SLC25A36: variants seen among roughly 807,000 people sequenced by gnomAD.
SLC25A36 encodes epididymis secretory sperm binding protein.
A neutral mutation model predicts 35.3 loss-of-function variants in SLC25A36; 24 were observed. That is an observed-to-expected ratio of 0.68 (90% confidence interval 0.49 to 0.96). The LOEUF (loss-of-function observed/expected upper bound fraction) is 0.96. Among genes scored for constraint, SLC25A36 ranks in the 40% least tolerant of loss-of-function variants. The probability of loss-of-function intolerance (pLI) is 0.00; values close to 1 mark genes in which losing one functional copy is unlikely to be tolerated. For missense variants in SLC25A36, 294 were observed against 381.1 expected (o/e 0.77, Z 1.90); for synonymous variants, 141 against 132.2 (o/e 1.07, Z -0.46).
intron 4 of SLC25A36, among the ~76,000 whole-genome samples, chr3:140,969,850 TA>T (rs1351703934): frequency 2.0e-5 from 3 of 151,946 alleles, no homozygotes; most frequent in Non-Finnish European, 2.9e-5. Flanking sequence ...GCCACCTTTA[TA>T]AAAAGAATGT....
At chr3:140,963,058 A>G in intron 3 of SLC25A36, 69 bp from the exon 4 acceptor site, 1 of 944,470 alleles carries the variant, frequency 1.1e-6, no homozygotes, top group Non-Finnish European at 1.5e-6. Context: ...AAAATTATGA[A>G]GATCAATTTA....
intron 4 of SLC25A36, chr3:140,966,652 G>T: frequency 6.2e-6 from 2 of 322,972 alleles, no homozygotes; most frequent in Non-Finnish European, 1.2e-5. Flanking sequence ...ATTCCCTTTT[G>T]ACAAGGTTAG....
intron 4 of SLC25A36, among the ~76,000 whole-genome samples, chr3:140,969,193 A>G (rs1483735393): frequency 6.6e-6 from 1 of 151,848 alleles, no homozygotes; most frequent in Admixed American, 6.6e-5. Flanking sequence ...AGAGAAAAAT[A>G]ATACTCTATA....
chr3:140,944,596 C>T (rs1238717367), intron 1 of SLC25A36, among the ~76,000 whole-genome samples: 3 of 152,126 alleles, frequency 2.0e-5, no homozygotes, highest in Non-Finnish European at 4.4e-5. Flanking sequence ...GTTATTGTAT[C>T]AGCTGCATAT....
In SLC25A36 at chr3:140,941,999, GC is replaced by G. The variant is rs1303596583; in HGVS notation, c.-55del. The G allele has an allele frequency of 5.1e-6, 5 of 972,026 alleles. No homozygotes were observed. Among genetic ancestry groups the G allele is most frequent in the Non-Finnish European group, 6.3e-6 (4 of 632,132 alleles). 60.2% of individuals were successfully genotyped at this position (972,026 alleles called of 1,614,324 possible). Reference sequence around the variant, plus strand: ...TCCGGGACCGAAGCCGCCTGCCGTAGCGGGCGGCCAGATCCGCGTCCCGCCT... The same window carrying G: ...TCCGGGACCGAAGCCGCCTGCCGTAGGGGCGGCCAGATCCGCGTCCCGCCT... On this transcript the variant is annotated 5_prime_UTR_variant, in exon 1 of 7. Coordinates refer to ENST00000324194, the MANE Select transcript of SLC25A36 (RefSeq NM_001104647.3).
chr3:140,957,769 A>G lies in SLC25A36; in HGVS notation c.206+1078A>G, dbSNP rs1934514376. ...AAAAAAATGCTATAGTTATACATAA[A>G]TACTTCTATCTGATTTGTAATAGGA... is the stretch of plus-strand genomic sequence containing the variant. On this transcript the variant is annotated intron_variant, in intron 2 of 6. Transcript: ENST00000324194. 1.3e-5 allele frequency among the ~76,000 whole-genome samples: 2 copies of G among 152,214 alleles called. 1 individual carries two copies. The highest frequency in any genetic ancestry group is 1.3e-4 in the Admixed American group (2 of 15,278).
chr3:140,957,844 T>G (rs1323099501), intron 2 of SLC25A36, among the ~76,000 whole-genome samples: 1 of 152,202 alleles, frequency 6.6e-6, no homozygotes, highest in Non-Finnish European at 1.5e-5. Flanking sequence ...AGATTGCCCC[T>G]CCTTAAAATT....
chr3:140,942,424 C>T (rs1934036458), intron 1 of SLC25A36: 2 of 227,504 alleles, frequency 8.8e-6, no homozygotes, highest in Non-Finnish European at 1.7e-5. Context: ...CGAATCCATG[C>T]GTCTGAGGAG....
intron 4 of SLC25A36, among the ~76,000 whole-genome samples, chr3:140,969,259 A>G (rs1215644014): frequency 6.6e-6 from 1 of 151,856 alleles, no homozygotes; most frequent in Non-Finnish European, 1.5e-5. Context: ...CTGGTCTGAT[A>G]GTTTCATGTT....
intron 1 of SLC25A36, among the ~76,000 whole-genome samples, chr3:140,951,941 C>G (rs529992783): frequency 6.6e-6 from 1 of 152,154 alleles, no homozygotes; most frequent in Admixed American, 6.5e-5. Flanking sequence ...TTAAGTGATC[C>G]TCTTACCTTG....
chr3:140,948,070 C>T (rs551779569), intron 1 of SLC25A36, among the ~76,000 whole-genome samples: 1 of 152,326 alleles, frequency 6.6e-6, no homozygotes, highest in Admixed American at 6.5e-5. Flanking sequence ...TCTCTTGCCT[C>T]AGCCTCCCAA....
chr3:140,941,845 T>C lies in SLC25A36; in HGVS notation c.-210T>C, dbSNP rs951930689. 4.0e-6 allele frequency: 2 copies of C among 503,236 alleles called. No homozygotes were observed. Among genetic ancestry groups the C allele is most frequent in the African/African-American group, 2.1e-5 (1 of 48,508 alleles). The allele number at this position is 503,236 out of a possible 1,614,324, so 31.2% of individuals were successfully genotyped here. On this transcript the variant is annotated 5_prime_UTR_variant, in exon 1 of 7. Transcript: ENST00000324194. ...GCGCTGCGTCGCTTTCAGCCTCTGG[T>C]GAAGGGCGGCGCGCTTAGGCAGGCG...
At chr3:140,966,394 T>C (rs1934761315) in intron 4 of SLC25A36, 1 of 312,854 alleles carries the variant, frequency 3.2e-6, no homozygotes. Flanking sequence ...TTCATAAGTA[T>C]GGATGTGCAA....
At chr3:140,943,797 T>TA (rs1187033460) in intron 1 of SLC25A36, among the ~76,000 whole-genome samples, 3 of 152,250 alleles carry the variant, frequency 2.0e-5, no homozygotes, top group African/African-American at 7.2e-5. Flanking sequence ...GGGGCATACT[T>TA]ATATTTGAAA....
In SLC25A36 at chr3:140,963,130, A is replaced by C. The variant is rs753014281; in HGVS notation, c.288A>C (p.Ala96=). The change falls in exon 4 of 7, where the codon GCA becomes GCC. Residue 96 remains alanine, a synonymous_variant. Coordinates refer to ENST00000324194, the MANE Select transcript of SLC25A36 (RefSeq NM_001104647.3). ...PNLVGVAPSR[A]IYFAAYSNCK... is the part of the protein sequence containing the mutation. ...TAAATCTAAATCTCTATTTTAGAGC[A>C]ATATACTTTGCTGCTTATTCAAACT... is the stretch of plus-strand genomic sequence containing the variant. 1 of 1,568,530 alleles carries C rather than the reference A, an allele frequency of 6.4e-7. No individual in the cohort carries two copies. The highest frequency in any genetic ancestry group is 2.0e-5 in the Admixed American group (1 of 49,222).
rs751952695 is a variant in SLC25A36, at chr3:140,979,819, T to G, written c.*3366T>G. The G allele has an allele frequency of 2.0e-5, 3 of 152,222 alleles. No individual in the cohort carries two copies. The highest frequency in any genetic ancestry group is 4.4e-5 in the Non-Finnish European group (3 of 68,030). 9.4% of individuals were successfully genotyped at this position (152,222 alleles called of 1,614,324 possible). On this transcript the variant is annotated 3_prime_UTR_variant, in exon 7 of 7. Coordinates refer to ENST00000324194, the MANE Select transcript of SLC25A36 (RefSeq NM_001104647.3). ...TAACTTTTGACTATTCATGTGAGGT[T>G]TGGTATCTTGCATTTATGTACATGG...
Position 140,980,058 on chromosome 3 carries a change from T to G in SLC25A36, c.*3605T>G, listed in dbSNP as rs947967471. On this transcript the variant is annotated 3_prime_UTR_variant, in exon 7 of 7. Transcript: ENST00000324194. ...TTTCAGGTTAAGTTTTAGGCTCGCT[T>G]GATTCAGTCAGCAAACCTTATCTTG... The G allele has an allele frequency of 6.6e-6, 1 of 152,220 alleles. No homozygotes were observed. Among genetic ancestry groups the G allele is most frequent in the African/African-American group, 2.4e-5 (1 of 41,456 alleles). 9.4% of individuals were successfully genotyped at this position (152,220 alleles called of 1,614,324 possible). A position where few individuals can be genotyped will look rare whatever the true frequency, so the allele number is the denominator to read the frequency against.
chr3:140,967,582 G>T (rs940333870), intron 4 of SLC25A36, among the ~76,000 whole-genome samples: 1 of 151,864 alleles, frequency 6.6e-6, no homozygotes, highest in Admixed American at 6.6e-5. Flanking sequence ...TCTTACAGAA[G>T]TTGAAATAAA....
chr3:140,953,061 G>A (rs2037317923), intron 1 of SLC25A36, among the ~76,000 whole-genome samples: 3 of 152,186 alleles, frequency 2.0e-5, no homozygotes, highest in Admixed American at 2.0e-4. Context: ...CTGTTATAGT[G>A]TGAATATGGT....
Sources: allele counts gnomAD v4.1 joint callset (sites outside exome capture counted in the v4.1 genomes callset), GRCh38; gene constraint gnomAD v4.1.1; transcripts MANE v1.5; gene names NCBI Gene and HGNC (gene_info 2026-07-23, HGNC 2026-07-21).